LHFPL3: variants seen among roughly 807,000 people sequenced by gnomAD.
LHFPL3 encodes LHFPL tetraspan subfamily member 3 protein.
A neutral mutation model predicts 19.3 loss-of-function variants in LHFPL3; 5 were observed. The observed-to-expected ratio is 0.26, with a 90% CI of 0.14 to 0.54. The LOEUF (loss-of-function observed/expected upper bound fraction) is 0.54. LHFPL3 is among the 20% of genes least tolerant of loss of function. LHFPL3 has a pLI of 0.94. For synonymous variants in LHFPL3, 133 were observed against 126.2 expected, an observed-to-expected ratio of 1.05 and a Z score of -0.36; for missense variants, 249 against 307.4, an observed-to-expected ratio of 0.81 and a Z score of 1.42.
At chr7:104,732,453 G>A (rs1226701129) in intron 1 of LHFPL3, among the ~76,000 whole-genome samples, 3 of 152,148 alleles carry the variant, frequency 2.0e-5, no homozygotes, top group Non-Finnish European at 1.5e-5. Context: ...TTAGTCTTGG[G>A]AGGATGTATA....
intron 1 of LHFPL3, among the ~76,000 whole-genome samples, chr7:104,618,889 G>A (rs1791394634): frequency 6.6e-6 from 1 of 152,216 alleles, no homozygotes; most frequent in Non-Finnish European, 1.5e-5. Context: ...TCAAGTTAAT[G>A]ATGTGCAATG....
chr7:104,563,272 T>TC lies in LHFPL3; in HGVS notation c.446-173398dup, dbSNP rs1314013017. 3.3e-5 allele frequency among the ~76,000 whole-genome samples: 5 copies of TC among 151,786 alleles called. No individual in the cohort carries two copies. The South Asian group carries it at 6.2e-4, about 19-fold the overall frequency. Reference sequence around the variant, plus strand: ...AAGCCTGGGCAATGGCGGGCGCCCCTCCCCCAGCCTCGCTGCCGCCTTGCA... The same window carrying TC: ...AAGCCTGGGCAATGGCGGGCGCCCCTCCCCCCAGCCTCGCTGCCGCCTTGCA... On this transcript the variant is annotated intron_variant, in intron 1 of 2. Coordinates refer to ENST00000424859, the MANE Select transcript of LHFPL3 (RefSeq NM_199000.3).
intron 2 of LHFPL3, among the ~76,000 whole-genome samples, chr7:104,761,071 A>C (rs1794364186): frequency 6.6e-6 from 1 of 152,156 alleles, no homozygotes; most frequent in Admixed American, 6.5e-5. Context: ...TCTTCATTAG[A>C]AGCTCCATCA....
intron 1 of LHFPL3, among the ~76,000 whole-genome samples, chr7:104,653,300 A>G (rs919894333): frequency 2.0e-5 from 3 of 152,216 alleles, no homozygotes; most frequent in Non-Finnish European, 4.4e-5. Context: ...TCATGGAAAT[A>G]TAAAGATATT....
At chr7:104,428,799 A>G (rs1791895821) in intron 1 of LHFPL3, among the ~76,000 whole-genome samples, 1 of 152,224 alleles carries the variant, frequency 6.6e-6, no homozygotes, top group Admixed American at 6.5e-5. Context: ...ACCTAGATTT[A>G]ATATGATATC....
At chr7:104,501,827 A>G (rs1361768474) in intron 1 of LHFPL3, among the ~76,000 whole-genome samples, 1 of 152,204 alleles carries the variant, frequency 6.6e-6, no homozygotes, top group Non-Finnish European at 1.5e-5. Context: ...TTCTGCAGCT[A>G]TGTTTAGACT....
intron 2 of LHFPL3, among the ~76,000 whole-genome samples, chr7:104,823,377 C>T (rs1221183804): frequency 6.6e-6 from 1 of 152,138 alleles, no homozygotes; most frequent in African/African-American, 2.4e-5. Flanking sequence ...AATGAGAGGG[C>T]TGGACCAGGT....
chr7:104,583,548 T>C (rs77449164), intron 1 of LHFPL3, among the ~76,000 whole-genome samples: 28,406 of 152,160 alleles, frequency 0.19, 2,884 homozygotes, highest in East Asian at 0.38. Flanking sequence ...GTAAAATTTT[T>C]GCAACCTACT....
At chr7:104,715,037 C>A (rs1010213454) in intron 1 of LHFPL3, among the ~76,000 whole-genome samples, 6 of 151,846 alleles carry the variant, frequency 4.0e-5, no homozygotes, top group Non-Finnish European at 7.4e-5. Flanking sequence ...GACTTGGGTG[C>A]CTATTAACAA....
intron 1 of LHFPL3, among the ~76,000 whole-genome samples, chr7:104,490,837 C>T (rs1452287325): frequency 2.6e-5 from 4 of 152,158 alleles, no homozygotes; most frequent in African/African-American, 4.8e-5. Flanking sequence ...TCACTATTCC[C>T]TCCTCTCACA....
intron 2 of LHFPL3, among the ~76,000 whole-genome samples, chr7:104,858,004 C>T (rs1446983900): frequency 2.0e-5 from 3 of 152,146 alleles, no homozygotes; most frequent in Non-Finnish European, 2.9e-5. Flanking sequence ...CAGGTTACTT[C>T]CTGCTATGAA....
intron 1 of LHFPL3, among the ~76,000 whole-genome samples, chr7:104,534,182 G>T (rs947584797): frequency 2.0e-5 from 3 of 152,194 alleles, no homozygotes; most frequent in African/African-American, 7.2e-5. Context: ...ATAACACAGT[G>T]TGGGTCTTTC....
chr7:104,377,992 T>A (rs6959400), intron 1 of LHFPL3, among the ~76,000 whole-genome samples: 63,888 of 152,074 alleles, frequency 0.42, 14,467 homozygotes, highest in African/African-American at 0.57. Context: ...ACTTTCTTTC[T>A]ACCTATTCTT....
intron 1 of LHFPL3, among the ~76,000 whole-genome samples, chr7:104,699,168 G>T (rs1056468849): frequency 1.3e-5 from 2 of 152,212 alleles, no homozygotes; most frequent in Non-Finnish European, 2.9e-5. Context: ...ATTACCAGAT[G>T]ATCCAGCAAT....
intron 1 of LHFPL3, among the ~76,000 whole-genome samples, chr7:104,550,446 T>G (rs564621034): frequency 1.3e-4 from 20 of 151,994 alleles, no homozygotes; most frequent in African/African-American, 4.1e-4. Flanking sequence ...ACAGGCAATG[T>G]GGGAAAGGAC....
intron 1 of LHFPL3, among the ~76,000 whole-genome samples, chr7:104,447,410 G>A (rs1039738501): frequency 8.5e-5 from 13 of 152,070 alleles, no homozygotes; most frequent in African/African-American, 2.9e-4. Flanking sequence ...AAACATTAAT[G>A]GATGCAAACT....
chr7:104,463,487 C>A (rs1271868853), intron 1 of LHFPL3, among the ~76,000 whole-genome samples: 1 of 152,120 alleles, frequency 6.6e-6, no homozygotes, highest in African/African-American at 2.4e-5. Context: ...TATATTAGTT[C>A]ATTCTCATGC....
chr7:104,812,502 AT>A (rs869164816), intron 2 of LHFPL3, among the ~76,000 whole-genome samples: 154 of 150,676 alleles, frequency 1.0e-3, no homozygotes, highest in African/African-American at 3.3e-3. Context: ...ACAAAAAAAA[AT>A]TTTTTTTTTA....
chr7:104,901,655 C>T (rs898918963), intron 2 of LHFPL3, among the ~76,000 whole-genome samples: 3 of 152,150 alleles, frequency 2.0e-5, no homozygotes, highest in African/African-American at 7.2e-5. Flanking sequence ...GCAGCCTCGA[C>T]CTCCTGGTCT....
Sources: allele counts gnomAD v4.1 joint callset (sites outside exome capture counted in the v4.1 genomes callset), GRCh38; gene constraint gnomAD v4.1.1; transcripts MANE v1.5; gene names NCBI Gene and HGNC (gene_info 2026-07-23, HGNC 2026-07-21).